CSMD1: variants seen among roughly 807,000 people sequenced by gnomAD.
The protein encoded by CSMD1 is CUB and Sushi multiple domains 1.
In CSMD1, 213 loss-of-function variants were observed where a neutral mutation model predicts 417.5. The ratio of observed to expected loss-of-function variants is 0.51; its 90% CI spans 0.46 to 0.57. CSMD1 has a LOEUF of 0.57. CSMD1 is among the 20% of genes least tolerant of loss of function. CSMD1 has a pLI of 0.00. For synonymous variants in CSMD1, 2,862 were observed against 1,736.8 expected (o/e 1.65, Z -16.11); for missense variants, 6,923 against 4,529.7 (o/e 1.53, Z -15.17).
At chr8:3,395,301 T>C (rs270057) in intron 17 of CSMD1, among the ~76,000 whole-genome samples, 36,886 of 152,074 alleles carry the variant, frequency 0.24, 5,214 homozygotes, top group East Asian at 0.35. Flanking sequence ...CAATAGTAAT[T>C]GCCACTTTTT....
intron 6 of CSMD1, among the ~76,000 whole-genome samples, chr8:3,738,265 G>T (rs984205356): frequency 6.6e-6 from 1 of 152,128 alleles, no homozygotes; most frequent in Non-Finnish European, 1.5e-5. Flanking sequence ...AGAAAATAGC[G>T]ACGATCACAG....
intron 7 of CSMD1, among the ~76,000 whole-genome samples, chr8:3,631,940 A>G (rs1042544777): frequency 6.6e-6 from 1 of 152,194 alleles, no homozygotes; most frequent in African/African-American, 2.4e-5. Context: ...GCCTCTTTGT[A>G]TGTTAACAAA....
chr8:2,955,899 C>T, intron 63 of CSMD1, 131 bp from the exon 64 acceptor site: 2 of 569,810 alleles, frequency 3.5e-6, no homozygotes, highest in Non-Finnish European at 5.8e-6. Flanking sequence ...TATATATACA[C>T]ATATATATGT....
chr8:4,174,484 A>C (rs944871286), intron 3 of CSMD1, among the ~76,000 whole-genome samples: 1 of 151,524 alleles, frequency 6.6e-6, no homozygotes, highest in African/African-American at 2.4e-5. Flanking sequence ...AAGGTTATTA[A>C]ATCTTTGAGA....
At chr8:4,541,880 G>C (rs1314804499) in intron 2 of CSMD1, among the ~76,000 whole-genome samples, 1 of 152,166 alleles carries the variant, frequency 6.6e-6, no homozygotes, top group African/African-American at 2.4e-5. Flanking sequence ...AAGGGATGGA[G>C]GCTGGAGGCG....
At chr8:4,381,483 A>G (rs1803101432) in intron 3 of CSMD1, among the ~76,000 whole-genome samples, 1 of 152,174 alleles carries the variant, frequency 6.6e-6, no homozygotes, top group African/African-American at 2.4e-5. Context: ...TTGTCTTCCA[A>G]CTGGCAGGCC....
intron 3 of CSMD1, among the ~76,000 whole-genome samples, chr8:4,221,583 A>C (rs916456040): frequency 1.3e-5 from 2 of 152,160 alleles, no homozygotes; most frequent in African/African-American, 4.8e-5. Context: ...AAACATGTGA[A>C]AACAGTGCTC....
intron 1 of CSMD1, among the ~76,000 whole-genome samples, chr8:4,717,407 A>G (rs990696122): frequency 6.6e-6 from 1 of 150,714 alleles, no homozygotes; most frequent in Non-Finnish European, 1.5e-5. Flanking sequence ...ATATACATAT[A>G]TACACACACA....
At chr8:3,849,848 C>A (rs1803772616) in intron 5 of CSMD1, among the ~76,000 whole-genome samples, 1 of 151,502 alleles carries the variant, frequency 6.6e-6, no homozygotes, top group South Asian at 2.1e-4. Flanking sequence ...TGGAGTCTCG[C>A]TCTGTCGCCC....
intron 10 of CSMD1, among the ~76,000 whole-genome samples, chr8:3,549,957 T>G (rs1798837796): frequency 6.6e-6 from 1 of 152,210 alleles, no homozygotes; most frequent in Admixed American, 6.5e-5. Flanking sequence ...AATAATTAGG[T>G]ATCTTGGATC....
chr8:4,243,026 T>G (rs139864273), intron 3 of CSMD1, among the ~76,000 whole-genome samples: 1 of 152,302 alleles, frequency 6.6e-6, no homozygotes, highest in African/African-American at 2.4e-5. Context: ...CAGACTAGAA[T>G]GGCAGAGGTT....
intron 2 of CSMD1, among the ~76,000 whole-genome samples, chr8:4,447,131 G>T (rs144604801): frequency 1.3e-5 from 2 of 152,066 alleles, no homozygotes; most frequent in African/African-American, 2.4e-5. Flanking sequence ...TTTGCAAATA[G>T]AATGTTAAAG....
At chr8:4,328,129 T>G (rs1302845131) in intron 3 of CSMD1, among the ~76,000 whole-genome samples, 1 of 152,134 alleles carries the variant, frequency 6.6e-6, no homozygotes, top group Non-Finnish European at 1.5e-5. Flanking sequence ...CATTTATGAA[T>G]GAAGAAATAC....
At chr8:4,231,438 G>T (rs1370392219) in intron 3 of CSMD1, among the ~76,000 whole-genome samples, 1 of 152,192 alleles carries the variant, frequency 6.6e-6, no homozygotes, top group Non-Finnish European at 1.5e-5. Flanking sequence ...AAAGTGATAG[G>T]TGTAGAGATC....
At chr8:4,261,385 G>A (rs1045152429) in intron 3 of CSMD1, among the ~76,000 whole-genome samples, 1 of 152,124 alleles carries the variant, frequency 6.6e-6, no homozygotes, top group Admixed American at 6.6e-5. Flanking sequence ...ATTAGAATCA[G>A]AATGGTAGTT....
intron 2 of CSMD1, among the ~76,000 whole-genome samples, chr8:4,632,272 G>C (rs945550448): frequency 2.0e-5 from 3 of 152,120 alleles, no homozygotes; most frequent in Non-Finnish European, 4.4e-5. Flanking sequence ...CAGCACTTTG[G>C]GAGGCCGAGG....
At chr8:4,133,667 G>T (rs1452613741) in intron 3 of CSMD1, among the ~76,000 whole-genome samples, 2 of 151,848 alleles carry the variant, frequency 1.3e-5, no homozygotes, top group African/African-American at 4.8e-5. Context: ...GTAAGTGTAG[G>T]GAAAATATGT....
intron 7 of CSMD1, among the ~76,000 whole-genome samples, chr8:3,653,848 T>A (rs981795895): frequency 6.6e-6 from 1 of 152,230 alleles, no homozygotes; most frequent in Non-Finnish European, 1.5e-5. Context: ...TATATTTATC[T>A]TCATTTACAT....
At chr8:3,229,047 G>T (rs1798675799) in intron 27 of CSMD1, among the ~76,000 whole-genome samples, 1 of 152,092 alleles carries the variant, frequency 6.6e-6, no homozygotes, top group South Asian at 2.1e-4. Context: ...TCTGTCTTCA[G>T]ACAACTGGGA....
Sources: allele counts gnomAD v4.1 joint callset (sites outside exome capture counted in the v4.1 genomes callset), GRCh38; gene constraint gnomAD v4.1.1; transcripts MANE v1.5; gene names NCBI Gene and HGNC (gene_info 2026-07-23, HGNC 2026-07-21).